The following SSUH2 variants were observed in gnomAD, a reference collection of about 807,000 sequenced individuals.
SSUH2 encodes ssu-2 homolog, also known as protein SSUH2 homolog.
Under a neutral mutation model 55.3 loss-of-function variants are expected in SSUH2, and 47 were observed. The observed-to-expected ratio is 0.85, with a 90% confidence interval of 0.67 to 1.08. SSUH2 has a LOEUF of 1.08. Among genes scored for constraint, SSUH2 ranks in the 50% least tolerant of loss-of-function variants. The probability of loss-of-function intolerance (pLI) is 0.00; values close to 1 mark genes in which losing one functional copy is unlikely to be tolerated. For missense variants in SSUH2, 535 were observed against 490.7 expected (o/e 1.09, Z -0.85); for synonymous variants, 212 against 191.5 (o/e 1.11, Z -0.89).
chr3:8,675,357 G>A (rs180878134), intron 3 of SSUH2, among the ~76,000 whole-genome samples: 4 of 152,302 alleles, frequency 2.6e-5, no homozygotes, highest in Admixed American at 1.3e-4. Flanking sequence ...GGAAGGCGTT[G>A]GCTCGAGACC....
intron 1 of SSUH2, among the ~76,000 whole-genome samples, chr3:8,641,175 G>GCACTC (rs1252918287): frequency 3.3e-5 from 5 of 152,178 alleles, no homozygotes; most frequent in African/African-American, 1.2e-4. Context: ...GTGCCCCTTG[G>GCACTC]CACTCCACTC....
chr3:8,667,540 G>A (rs999901875), intron 5 of SSUH2, among the ~76,000 whole-genome samples: 1 of 152,132 alleles, frequency 6.6e-6, no homozygotes, highest in Admixed American at 6.5e-5. Flanking sequence ...GAGTCACTCT[G>A]GTTCCAAAGC....
chr3:8,641,039 C>T (rs1378345871), intron 1 of SSUH2, among the ~76,000 whole-genome samples: 1 of 152,198 alleles, frequency 6.6e-6, no homozygotes, highest in Non-Finnish European at 1.5e-5. Flanking sequence ...CACCCTCACA[C>T]ACCCTGTGCC....
intron 1 of SSUH2, among the ~76,000 whole-genome samples, chr3:8,640,937 T>G (rs923583428): frequency 6.6e-6 from 1 of 152,238 alleles, no homozygotes; most frequent in Non-Finnish European, 1.5e-5. Flanking sequence ...AATTAATGCT[T>G]CTTAGAAAGT....
chr3:8,634,544 C>T (rs1699569302), intron 3 of SSUH2: 3 of 1,289,792 alleles, frequency 2.3e-6, no homozygotes, highest in Non-Finnish European at 3.0e-6. Flanking sequence ...AGCCCTGGCA[C>T]ACAGAGGGGC....
In SSUH2 at chr3:8,623,636, G is replaced by T. The variant is rs1009408235; in HGVS notation, c.894C>A (p.Phe298Leu). ...AGGCAAGAGAGATGTCTCGCAGAGG[G>T]AAGTCCACGATGGGGTACACCTGGG... is the stretch of plus-strand genomic sequence containing the variant. Reference protein sequence around the residue: ...ENSVVYPIVDFPLRDISLASQ... With the variant: ...ENSVVYPIVDLPLRDISLASQ... Residue 298 changes from phenylalanine (F) to leucine (L), a missense_variant, in exon 11 of 12, where the codon TTC (phenylalanine) becomes TTA (leucine). Phe to Leu is a conservative substitution (Grantham distance 22). Coordinates refer to ENST00000544814, the MANE Select transcript of SSUH2 (RefSeq NM_001256748.3). 2.6e-6 allele frequency: 4 copies of T among 1,538,100 alleles called. No individual in the cohort carries two copies. Among genetic ancestry groups the T allele is most frequent in the Non-Finnish European group, 3.5e-6 (4 of 1,136,602 alleles).
At chr3:8,661,350 T>C (rs1191520544) in intron 6 of SSUH2, among the ~76,000 whole-genome samples, 2 of 152,232 alleles carry the variant, frequency 1.3e-5, no homozygotes, top group Non-Finnish European at 2.9e-5. Context: ...ATTCACTGTT[T>C]AACTTGTATG....
chr3:8,665,190 G>C (rs73127062), intron 5 of SSUH2, among the ~76,000 whole-genome samples: 5,229 of 150,784 alleles, frequency 0.035, 301 homozygotes, highest in African/African-American at 0.12. Context: ...AAAGAAAGAA[G>C]AAAAAGAGAA....
intron 7 of SSUH2, among the ~76,000 whole-genome samples, chr3:8,657,528 G>A (rs976115316): frequency 5.3e-5 from 8 of 152,168 alleles, no homozygotes; most frequent in African/African-American, 1.7e-4. Flanking sequence ...GGGTACGACA[G>A]GAGGTCAGAT....
chr3:8,664,900 C>A lies in SSUH2; in HGVS notation c.-454-1098G>T, dbSNP rs1703849838. Among the ~76,000 whole-genome samples, 5 of 152,368 alleles carry A rather than the reference C, an allele frequency of 3.3e-5. No individual in the cohort carries two copies. The South Asian group carries it at 1.0e-3, about 32-fold the overall frequency. On this transcript the variant is annotated intron_variant, in intron 5 of 18. Transcript: ENST00000317371. ...CAAGAAAGGCATCTCCCGATTCCTG[C>A]AAGTTATTTCTGGATTTGAATCCTC...
At chr3:8,638,066 C>G (rs879534949) in intron 1 of SSUH2, among the ~76,000 whole-genome samples, 15 of 152,198 alleles carry the variant, frequency 9.9e-5, no homozygotes, top group African/African-American at 3.4e-4. Flanking sequence ...CTGACTTAGA[C>G]ACTCACCTGT....
chr3:8,659,732 T>C (rs975433239), intron 6 of SSUH2: 9 of 455,672 alleles, frequency 2.0e-5, no homozygotes, highest in Middle Eastern at 3.2e-4. Flanking sequence ...CATCCATCCA[T>C]ATATGTATTC....
intron 2 of SSUH2, among the ~76,000 whole-genome samples, chr3:8,679,049 A>G (rs1559569230): frequency 2.0e-5 from 2 of 99,478 alleles, no homozygotes; most frequent in Non-Finnish European, 4.5e-5. Context: ...CACCAAACGC[A>G]GGGGAGGAAG....
chr3:8,674,658 C>A (rs1398917670), intron 3 of SSUH2, among the ~76,000 whole-genome samples: 1 of 152,156 alleles, frequency 6.6e-6, no homozygotes, highest in Non-Finnish European at 1.5e-5. Context: ...TTGGTACATG[C>A]CTGACTGTCC....
At chr3:8,651,373 C>T (rs1303292283) in intron 7 of SSUH2, among the ~76,000 whole-genome samples, 1 of 152,134 alleles carries the variant, frequency 6.6e-6, no homozygotes, top group African/African-American at 2.4e-5. Context: ...TCTTTTTGTT[C>T]TACTTCTTCA....
intron 2 of SSUH2, among the ~76,000 whole-genome samples, chr3:8,678,727 GGGGGGGAGGCACCAC>G (rs1559565799): frequency 1.1e-4 from 8 of 73,336 alleles, no homozygotes; most frequent in Non-Finnish European, 2.1e-4. Flanking sequence ...CCCAACGTGG[GGGGGGGAGGCACCAC>G]ACGCGAGGCG....
At chr3:8,630,415 C>G (rs911278006) in intron 6 of SSUH2, among the ~76,000 whole-genome samples, 1 of 152,248 alleles carries the variant, frequency 6.6e-6, no homozygotes, top group African/African-American at 2.4e-5. Context: ...TACTGACTCT[C>G]ATGCAAAATC....
intron 2 of SSUH2, among the ~76,000 whole-genome samples, chr3:8,679,505 T>TC (rs770856170): frequency 2.6e-4 from 37 of 140,764 alleles, no homozygotes; most frequent in South Asian, 4.7e-4. Context: ...CCCCCCTGGC[T>TC]TTGGGACCCT....
At chr3:8,620,850 C>T (rs1696288563) in intron 11 of SSUH2, among the ~76,000 whole-genome samples, 1 of 152,226 alleles carries the variant, frequency 6.6e-6, no homozygotes, top group African/African-American at 2.4e-5. Context: ...AACATTGACC[C>T]CGAAGACATT....
Sources: gnomAD v4.1 joint callset for allele counts (sites outside exome capture counted in the v4.1 genomes callset) on GRCh38, gnomAD v4.1.1 for gene constraint, MANE v1.5 for transcripts, NCBI Gene and HGNC (gene_info 2026-07-23, HGNC 2026-07-21) for gene names.